The following MACROD2 variants were observed in gnomAD, a reference collection of about 807,000 sequenced individuals.
MACROD2 encodes mono-ADP ribosylhydrolase 2, also known as ADP-ribose glycohydrolase MACROD2.
MACROD2 carries 36 observed loss-of-function variants against 70.4 expected under a neutral mutation model. That is an observed-to-expected ratio of 0.51 (90% CI 0.39 to 0.68). The LOEUF is 0.68. MACROD2 is among the 30% of genes least tolerant of loss of function. MACROD2 has a pLI of 0.00. For missense variants in MACROD2, 496 were observed against 538.4 expected (o/e 0.92, Z 0.78); for synonymous variants, 172 against 178.8 (o/e 0.96, Z 0.30).
intron 5 of MACROD2, among the ~76,000 whole-genome samples, chr20:14,911,053 A>C (rs1568869746): frequency 6.6e-6 from 1 of 152,194 alleles, no homozygotes; most frequent in Non-Finnish European, 1.5e-5. Flanking sequence ...AAAAGCATCA[A>C]AACTCATTGA....
chr20:15,527,487 A>T (rs1174304877), intron 8 of MACROD2, among the ~76,000 whole-genome samples: 1 of 152,170 alleles, frequency 6.6e-6, no homozygotes, highest in Non-Finnish European at 1.5e-5. Flanking sequence ...TAACCAGTGG[A>T]TTCAGGTAAT....
At chr20:14,111,841 A>G (rs983748993) in intron 3 of MACROD2, among the ~76,000 whole-genome samples, 1 of 152,018 alleles carries the variant, frequency 6.6e-6, no homozygotes, top group African/African-American at 2.4e-5. Context: ...TCATCCAGCA[A>G]TCCCACTGTT....
chr20:15,183,729 C>T (rs2076516263), intron 5 of MACROD2, among the ~76,000 whole-genome samples: 1 of 152,170 alleles, frequency 6.6e-6, no homozygotes, highest in African/African-American at 2.4e-5. Flanking sequence ...AGGCAGCATC[C>T]AGAATGATAG....
chr20:14,564,293 A>G (rs1001556486), intron 4 of MACROD2, among the ~76,000 whole-genome samples: 1 of 152,008 alleles, frequency 6.6e-6, no homozygotes, highest in Non-Finnish European at 1.5e-5. Flanking sequence ...AAGCATAGAC[A>G]AAGAGTTTAT....
chr20:14,207,481 A>C (rs577537497), intron 3 of MACROD2, among the ~76,000 whole-genome samples: 1 of 152,348 alleles, frequency 6.6e-6, no homozygotes, highest in African/African-American at 2.4e-5. Flanking sequence ...TGTAGGAAGC[A>C]GTTAGAGGAA....
chr20:15,949,162 G>GT (rs1307329643), intron 12 of MACROD2, among the ~76,000 whole-genome samples: 5 of 152,120 alleles, frequency 3.3e-5, no homozygotes, highest in Admixed American at 1.3e-4. Flanking sequence ...TTTCTGATGT[G>GT]TAAAAAATGG....
At chr20:15,809,581 C>A (rs1241653138) in intron 8 of MACROD2, among the ~76,000 whole-genome samples, 1 of 152,102 alleles carries the variant, frequency 6.6e-6, no homozygotes, top group African/African-American at 2.4e-5. Flanking sequence ...TTTAAAACAA[C>A]CAACTCTCAC....
chr20:15,805,918 G>A (rs1410745706), intron 8 of MACROD2, among the ~76,000 whole-genome samples: 3 of 152,120 alleles, frequency 2.0e-5, no homozygotes, highest in African/African-American at 7.2e-5. Flanking sequence ...TGCCCTTAGC[G>A]GTTTTGATCT....
chr20:14,275,486 T>C (rs1390078139), intron 3 of MACROD2, among the ~76,000 whole-genome samples: 2 of 151,640 alleles, frequency 1.3e-5, no homozygotes, highest in African/African-American at 2.4e-5. Context: ...TAATTCAAGA[T>C]GGATTAAAGA....
At chr20:15,941,406 T>C (rs73900837) in intron 12 of MACROD2, among the ~76,000 whole-genome samples, 1,801 of 152,290 alleles carry the variant, frequency 0.012, 34 homozygotes, top group African/African-American at 0.035. Flanking sequence ...CTGTTTTTAA[T>C]TGATTATCAG....
intron 8 of MACROD2, among the ~76,000 whole-genome samples, chr20:15,756,725 A>G (rs919543544): frequency 6.6e-6 from 1 of 152,248 alleles, no homozygotes; most frequent in African/African-American, 2.4e-5. Context: ...ACCTGCAACC[A>G]TTCCAGATGA....
chr20:14,508,941 C>G (rs1393994497), intron 4 of MACROD2, among the ~76,000 whole-genome samples: 3 of 152,140 alleles, frequency 2.0e-5, no homozygotes, highest in Non-Finnish European at 4.4e-5. Context: ...ACAATGAAAA[C>G]AACCTAAATG....
At chr20:14,809,221 T>G (rs909042001) in intron 5 of MACROD2, among the ~76,000 whole-genome samples, 1 of 151,950 alleles carries the variant, frequency 6.6e-6, no homozygotes, top group Admixed American at 6.6e-5. Context: ...GAACAGAAAT[T>G]ATAACAAACA....
intron 5 of MACROD2, among the ~76,000 whole-genome samples, chr20:14,882,051 A>C (rs2073616646): frequency 6.6e-6 from 1 of 152,204 alleles, no homozygotes; most frequent in African/African-American, 2.4e-5. Flanking sequence ...GTCAAGTCAC[A>C]TGAACAAATC....
intron 3 of MACROD2, among the ~76,000 whole-genome samples, chr20:14,425,443 G>T (rs2083922531): frequency 6.6e-6 from 1 of 152,132 alleles, no homozygotes; most frequent in South Asian, 2.1e-4. Flanking sequence ...AAGCGATCAA[G>T]AACTAGACAT....
intron 3 of MACROD2, among the ~76,000 whole-genome samples, chr20:14,251,876 G>C (rs2082015613): frequency 6.6e-6 from 1 of 152,008 alleles, no homozygotes; most frequent in Non-Finnish European, 1.5e-5. Flanking sequence ...TTAAGACCAT[G>C]TATCTATTAA....
At chr20:14,509,022 A>G (rs1347823671) in intron 4 of MACROD2, among the ~76,000 whole-genome samples, 2 of 152,154 alleles carry the variant, frequency 1.3e-5, no homozygotes, top group Non-Finnish European at 2.9e-5. Flanking sequence ...AACCATTAAA[A>G]CTTATAATTT....
At chr20:15,849,668 A>G (rs960422884) in intron 8 of MACROD2, among the ~76,000 whole-genome samples, 1 of 152,182 alleles carries the variant, frequency 6.6e-6, no homozygotes, top group African/African-American at 2.4e-5. Flanking sequence ...GAAATTTTTA[A>G]TTACTTCAAC....
chr20:14,403,189 T>C (rs1747900046), intron 3 of MACROD2, among the ~76,000 whole-genome samples: 1 of 152,150 alleles, frequency 6.6e-6, no homozygotes, highest in African/African-American at 2.4e-5. Flanking sequence ...AAATCACTTC[T>C]AAGGGGTCCA....
Sources: allele counts gnomAD v4.1 joint callset (sites outside exome capture counted in the v4.1 genomes callset), GRCh38; gene constraint gnomAD v4.1.1; transcripts MANE v1.5; gene names NCBI Gene and HGNC (gene_info 2026-07-23, HGNC 2026-07-21).